The following SLC22A3 variants were observed in gnomAD, a reference collection of about 807,000 sequenced individuals.
The protein encoded by SLC22A3 is EMT organic cation transporter 3.
Under a neutral mutation model 59.1 loss-of-function variants are expected in SLC22A3, and 51 were observed. That is an observed-to-expected ratio of 0.86 (90% CI 0.69 to 1.09). The LOEUF (loss-of-function observed/expected upper bound fraction) is 1.09. Ranked by LOEUF, SLC22A3 falls within the 50% of genes least tolerant of loss-of-function variation. SLC22A3 has a pLI of 0.00. For synonymous variants in SLC22A3, 325 were observed against 292.0 expected (o/e 1.11, Z -1.15); for missense variants, 711 against 726.3 (o/e 0.98, Z 0.24).
intron 5 of SLC22A3, among the ~76,000 whole-genome samples, chr6:160,436,003 C>G (rs1355183437): frequency 6.6e-6 from 1 of 152,142 alleles, no homozygotes; most frequent in African/African-American, 2.4e-5. Context: ...TGGGAGCCAT[C>G]AGTTCTATCT....
intron 1 of SLC22A3, among the ~76,000 whole-genome samples, chr6:160,396,499 T>G (rs1175845457): frequency 6.6e-6 from 1 of 152,194 alleles, no homozygotes; most frequent in Non-Finnish European, 1.5e-5. Context: ...GTAACATTTC[T>G]GTAGCAAAAC....
chr6:160,394,399 GC>G (rs947631799), intron 1 of SLC22A3, among the ~76,000 whole-genome samples: 1 of 152,114 alleles, frequency 6.6e-6, no homozygotes, highest in African/African-American at 2.4e-5. Context: ...TACATCGCAG[GC>G]CCAGAGCTGT....
intron 5 of SLC22A3, among the ~76,000 whole-genome samples, chr6:160,416,656 T>C (rs1313829534): frequency 6.6e-6 from 1 of 152,172 alleles, no homozygotes; most frequent in Non-Finnish European, 1.5e-5. Context: ...AAAGTTCTTT[T>C]ACAGTGCAGT....
intron 2 of SLC22A3, among the ~76,000 whole-genome samples, chr6:160,403,333 C>T (rs376641111): frequency 6.6e-6 from 1 of 151,744 alleles, no homozygotes; most frequent in South Asian, 2.1e-4. Context: ...TTACAATCTG[C>T]CAAAACTCAC....
chr6:160,358,156 A>T (rs2114745569), intron 1 of SLC22A3, among the ~76,000 whole-genome samples: 1 of 152,356 alleles, frequency 6.6e-6, no homozygotes, highest in Non-Finnish European at 1.5e-5. Context: ...AGTGTAGTGT[A>T]TTGCTAAGGC....
At chr6:160,360,973 A>G (rs1253803842) in intron 1 of SLC22A3, among the ~76,000 whole-genome samples, 1 of 152,234 alleles carries the variant, frequency 6.6e-6, no homozygotes, top group African/African-American at 2.4e-5. Flanking sequence ...GTAGGGAGTA[A>G]GAGGAGGGCT....
intron 5 of SLC22A3, among the ~76,000 whole-genome samples, chr6:160,412,290 G>T (rs1244964138): frequency 6.6e-6 from 1 of 152,112 alleles, no homozygotes; most frequent in Non-Finnish European, 1.5e-5. Flanking sequence ...TTGAACCCAG[G>T]AGGCAGAGGT....
intron 1 of SLC22A3, among the ~76,000 whole-genome samples, chr6:160,376,199 G>A (rs912243210): frequency 3.9e-5 from 6 of 152,248 alleles, no homozygotes; most frequent in Admixed American, 2.6e-4. Context: ...GCAGGGATAT[G>A]GATGAAGCTA....
intron 1 of SLC22A3, among the ~76,000 whole-genome samples, chr6:160,379,580 T>G (rs1472165447): frequency 6.6e-6 from 1 of 152,196 alleles, no homozygotes; most frequent in Non-Finnish European, 1.5e-5. Context: ...TAGTTTTGCT[T>G]TTTAGTACTT....
At chr6:160,358,308 A>G (rs1005004722) in intron 1 of SLC22A3, among the ~76,000 whole-genome samples, 33 of 152,158 alleles carry the variant, frequency 2.2e-4, no homozygotes, top group African/African-American at 7.7e-4. Flanking sequence ...AAGGCATTCA[A>G]AGTGCTTGTC....
intron 2 of SLC22A3, among the ~76,000 whole-genome samples, chr6:160,404,866 CAAA>C (rs35421179): frequency 9.3e-5 from 10 of 107,208 alleles, no homozygotes; most frequent in African/African-American, 1.4e-4. Context: ...CAACCACATG[CAAA>C]AAAAAAAAAA....
chr6:160,404,245 G>A (rs1158195715), intron 2 of SLC22A3, among the ~76,000 whole-genome samples: 1 of 151,792 alleles, frequency 6.6e-6, no homozygotes, highest in African/African-American at 2.4e-5. Context: ...TAGTGAAGTT[G>A]CAGGGTACAA....
chr6:160,441,282 T>C (rs1788528614), intron 7 of SLC22A3, among the ~76,000 whole-genome samples: 1 of 152,086 alleles, frequency 6.6e-6, no homozygotes. Flanking sequence ...GTGGAATGCA[T>C]TACCTAGTCT....
chr6:160,432,009 T>A (rs116059768), intron 5 of SLC22A3, among the ~76,000 whole-genome samples: 1,773 of 152,308 alleles, frequency 0.012, 25 homozygotes, highest in Middle Eastern at 0.048. Flanking sequence ...AGACTTGTTG[T>A]CTCATCAGTG....
At chr6:160,348,943 G>C in intron 1 of SLC22A3, 95 bp downstream of exon 1, 1 of 1,530,266 alleles carries the variant, frequency 6.5e-7, no homozygotes. Context: ...CGCCAGGGGA[G>C]GTCGGTGGAG....
chr6:160,385,640 T>C (rs1050841031), intron 1 of SLC22A3, among the ~76,000 whole-genome samples: 1 of 152,214 alleles, frequency 6.6e-6, no homozygotes, highest in Admixed American at 6.5e-5. Flanking sequence ...CCTGCACAAC[T>C]GGACCCCAGA....
rs747125685 is a variant in SLC22A3, at chr6:160,445,983, G to T, written c.1511-1736G>T. Among the ~76,000 whole-genome samples the T allele has an allele frequency of 1.8e-4, 28 of 152,224 alleles. 1 individual carries two copies. Among genetic ancestry groups the T allele is most frequent in the Non-Finnish European group, 4.4e-5 (3 of 68,038 alleles). On this transcript the variant is annotated intron_variant, in intron 9 of 10. Coordinates refer to ENST00000275300, the MANE Select transcript of SLC22A3 (RefSeq NM_021977.4). ...CAGTAGAGAATGGTTGAAGCTGAGG[G>T]AGTGGCCCAAGCCCCCCAGAAAATC... is the stretch of plus-strand genomic sequence containing the variant.
chr6:160,424,606 C>T (rs930571087), intron 5 of SLC22A3, among the ~76,000 whole-genome samples: 3 of 152,136 alleles, frequency 2.0e-5, no homozygotes, highest in Non-Finnish European at 4.4e-5. Flanking sequence ...ATATTTTTAT[C>T]TTCCACTGAC....
intron 5 of SLC22A3, among the ~76,000 whole-genome samples, chr6:160,411,889 T>A (rs1298096775): frequency 1.3e-5 from 2 of 152,188 alleles, no homozygotes; most frequent in Admixed American, 1.3e-4. Context: ...TATGATGATG[T>A]TTTAGCTCCA....
Sources: gnomAD v4.1 joint callset for allele counts (sites outside exome capture counted in the v4.1 genomes callset) on GRCh38, gnomAD v4.1.1 for gene constraint, MANE v1.5 for transcripts, NCBI Gene and HGNC (gene_info 2026-07-23, HGNC 2026-07-21) for gene names.